Variants in CRACD observed in about 807,000 individuals in gnomAD.
CRACD encodes capping protein-inhibiting regulator of actin dynamics.
A neutral mutation model predicts 106.8 loss-of-function variants in CRACD; 56 were observed. That is an observed-to-expected ratio of 0.52 (90% CI 0.42 to 0.66). The LOEUF is 0.66. CRACD is among the 30% of genes least tolerant of loss of function. The pLI is 0.00. For missense variants in CRACD, 1,730 were observed against 1,623.2 expected, an observed-to-expected ratio of 1.07 and a Z score of -1.13; for synonymous variants, 754 against 670.8, an observed-to-expected ratio of 1.12 and a Z score of -1.92.
chr4:56,263,434 G>C (rs1038867941), intron 2 of CRACD, among the ~76,000 whole-genome samples: 2 of 152,086 alleles, frequency 1.3e-5, no homozygotes, highest in African/African-American at 4.8e-5. Context: ...TGTAGTTCTG[G>C]AGGCAAAAGT....
chr4:56,188,830 CA>C (rs1024699407), intron 2 of CRACD, among the ~76,000 whole-genome samples: 46 of 151,436 alleles, frequency 3.0e-4, no homozygotes, highest in African/African-American at 1.1e-3. Flanking sequence ...TATTTTCCTT[CA>C]TTTCTTTATA....
chr4:56,254,002 C>T (rs759169890), intron 2 of CRACD, among the ~76,000 whole-genome samples: 16 of 152,202 alleles, frequency 1.1e-4, no homozygotes, highest in Non-Finnish European at 1.2e-4. Flanking sequence ...CCCTTCGAAT[C>T]TCAGAATTGG....
intron 1 of CRACD, among the ~76,000 whole-genome samples, chr4:56,150,630 A>G (rs1438553489): frequency 2.0e-5 from 3 of 152,150 alleles, no homozygotes; most frequent in Non-Finnish European, 4.4e-5. Flanking sequence ...TAAACAATAT[A>G]GTTTTGAACT....
intron 2 of CRACD, among the ~76,000 whole-genome samples, chr4:56,262,845 T>C (rs1741785926): frequency 6.6e-6 from 1 of 152,232 alleles, no homozygotes; most frequent in Non-Finnish European, 1.5e-5. Flanking sequence ...TCCTAAAATA[T>C]TGCACTTCGA....
chr4:56,142,667 T>C (rs1735245324), intron 1 of CRACD, among the ~76,000 whole-genome samples: 1 of 152,172 alleles, frequency 6.6e-6, no homozygotes, highest in South Asian at 2.1e-4. Context: ...AGTATTCTAA[T>C]GAGTTTAAAA....
At chr4:56,176,860 A>C (rs561030170) in intron 1 of CRACD, among the ~76,000 whole-genome samples, 4 of 152,254 alleles carry the variant, frequency 2.6e-5, no homozygotes, top group East Asian at 1.9e-4. Flanking sequence ...TTTCTTTTCC[A>C]GATTGTTAAC....
chr4:56,063,406 G>A lies in CRACD; in HGVS notation c.-336+14107G>A, dbSNP rs557880313. Among the ~76,000 whole-genome samples, 7 of 152,162 alleles carry A rather than the reference G, an allele frequency of 4.6e-5. No homozygotes were observed. The East Asian group carries it at 9.7e-4, about 21-fold the overall frequency. ...AATATATATAACAAAAATTACCATC[G>A]TAAACATTTTTAAGTGGACAGTTCA... On this transcript the variant is annotated intron_variant, in intron 1 of 10. Transcript: ENST00000682029.
At chr4:56,232,700 CTTTATTTATTTA>C (rs71666123) in intron 2 of CRACD, among the ~76,000 whole-genome samples, 7 of 141,588 alleles carry the variant, frequency 4.9e-5, no homozygotes, top group African/African-American at 1.0e-4. Context: ...AAACATGTAT[CTTTATTTATTTA>C]TTTATTTATT....
chr4:56,205,227 G>A (rs894717826), intron 2 of CRACD, among the ~76,000 whole-genome samples: 5 of 152,010 alleles, frequency 3.3e-5, no homozygotes, highest in African/African-American at 9.7e-5. Flanking sequence ...CGCCAAATAA[G>A]TAATGCGTAC....
intron 2 of CRACD, among the ~76,000 whole-genome samples, chr4:56,242,963 C>T (rs924607840): frequency 5.3e-5 from 8 of 152,134 alleles, no homozygotes; most frequent in South Asian, 2.1e-4. Context: ...GCATGAGCCG[C>T]CCCAGAGAAA....
intron 1 of CRACD, among the ~76,000 whole-genome samples, chr4:56,112,738 T>G (rs1734160028): frequency 6.6e-6 from 1 of 152,170 alleles, no homozygotes; most frequent in African/African-American, 2.4e-5. Context: ...TGTTTTAAGT[T>G]ACTATTACCT....
At chr4:56,178,887 T>C (rs1736695717) in intron 1 of CRACD, among the ~76,000 whole-genome samples, 1 of 152,218 alleles carries the variant, frequency 6.6e-6, no homozygotes. Flanking sequence ...AGTAAAAAGG[T>C]GCCTTCACTA....
intron 1 of CRACD, among the ~76,000 whole-genome samples, chr4:56,050,429 A>C (rs1731837925): frequency 6.6e-6 from 1 of 152,120 alleles, no homozygotes; most frequent in Non-Finnish European, 1.5e-5. Context: ...TGATTCATTA[A>C]GTTGTGAGTT....
At chr4:56,270,522 G>C (rs1415607014) in intron 2 of CRACD, among the ~76,000 whole-genome samples, 1 of 152,152 alleles carries the variant, frequency 6.6e-6, no homozygotes, top group African/African-American at 2.4e-5. Context: ...GGTGGAAGGT[G>C]GGGGAGTTGT....
At chr4:56,078,405 C>A (rs558718433) in intron 1 of CRACD, among the ~76,000 whole-genome samples, 27 of 152,116 alleles carry the variant, frequency 1.8e-4, no homozygotes, top group Non-Finnish European at 3.2e-4. Flanking sequence ...ACCATTTGGT[C>A]CCTTTTTTCC....
intron 1 of CRACD, among the ~76,000 whole-genome samples, chr4:56,054,302 T>A (rs1731979235): frequency 6.6e-6 from 1 of 152,160 alleles, no homozygotes; most frequent in Admixed American, 6.6e-5. Context: ...TAGCTCAGCC[T>A]CCTGAATAGC....
intron 1 of CRACD, among the ~76,000 whole-genome samples, chr4:56,063,852 T>C (rs1732369234): frequency 6.6e-6 from 1 of 152,232 alleles, no homozygotes; most frequent in African/African-American, 2.4e-5. Context: ...TCCTTTTGGA[T>C]ATATATGAAG....
intron 1 of CRACD, among the ~76,000 whole-genome samples, chr4:56,092,330 T>C (rs1733449314): frequency 6.6e-6 from 1 of 152,182 alleles, no homozygotes. Flanking sequence ...CCCCGAGGAA[T>C]AGTCCTTTTG....
intron 1 of CRACD, among the ~76,000 whole-genome samples, chr4:56,081,116 C>T (rs1475334206): frequency 6.6e-6 from 1 of 152,128 alleles, no homozygotes; most frequent in Non-Finnish European, 1.5e-5. Context: ...CCTTGGCCAC[C>T]CAAGGTGTTG....
Sources: allele counts gnomAD v4.1 joint callset (sites outside exome capture counted in the v4.1 genomes callset), GRCh38; gene constraint gnomAD v4.1.1; transcripts MANE v1.5; gene names NCBI Gene and HGNC (gene_info 2026-07-23, HGNC 2026-07-21).